The following DLG2 variants were observed in gnomAD, a reference collection of about 807,000 sequenced individuals.
The protein encoded by DLG2 is discs large MAGUK scaffold protein 2.
Under a neutral mutation model 132.5 loss-of-function variants are expected in DLG2, and 45 were observed. That is an observed-to-expected ratio of 0.34 (90% CI 0.27 to 0.44). DLG2 has a LOEUF of 0.44. DLG2 is among the 20% of genes least tolerant of loss of function. The pLI is 1.00. For synonymous variants in DLG2, 424 were observed against 419.6 expected, an observed-to-expected ratio of 1.01 and a Z score of -0.13; for missense variants, 1,045 against 1,196.9, an observed-to-expected ratio of 0.87 and a Z score of 1.87.
chr11:84,475,780 C>G (rs2099120032), intron 7 of DLG2, among the ~76,000 whole-genome samples: 1 of 152,094 alleles, frequency 6.6e-6, no homozygotes, highest in South Asian at 2.1e-4. Flanking sequence ...GTTGTGCAAG[C>G]TGTTGTGTGC....
chr11:84,317,193 G>T, intron 7 of DLG2: 1 of 1,557,334 alleles, frequency 6.4e-7, no homozygotes, highest in Non-Finnish European at 8.7e-7. Context: ...GCACAGAAAT[G>T]TCTCCTCCCT....
intron 16 of DLG2, among the ~76,000 whole-genome samples, chr11:83,842,623 T>C (rs1331385468): frequency 6.7e-6 from 1 of 148,284 alleles, no homozygotes; most frequent in Non-Finnish European, 1.5e-5. Flanking sequence ...GGTCAGGATA[T>C]CGAGACCACG....
intron 11 of DLG2, among the ~76,000 whole-genome samples, chr11:84,038,043 T>C (rs956089535): frequency 2.6e-5 from 4 of 151,964 alleles, no homozygotes; most frequent in African/African-American, 9.7e-5. Flanking sequence ...GTCATGGCGG[T>C]TTGTGGTAGA....
At chr11:85,161,382 C>T (rs1405226644) in intron 4 of DLG2, among the ~76,000 whole-genome samples, 1 of 152,134 alleles carries the variant, frequency 6.6e-6, no homozygotes, top group Non-Finnish European at 1.5e-5. Flanking sequence ...TGCTGAGTGT[C>T]CAATTTGCCA....
chr11:85,127,266 ATC>A (rs1287981779), intron 5 of DLG2, among the ~76,000 whole-genome samples: 1 of 120,026 alleles, frequency 8.3e-6, no homozygotes, highest in South Asian at 3.2e-4. Context: ...CTCTCTTTCT[ATC>A]TCTCTCTCTC....
chr11:84,882,460 TAGGAAAATA>T (rs1399640032), intron 6 of DLG2, among the ~76,000 whole-genome samples: 1 of 151,948 alleles, frequency 6.6e-6, no homozygotes, highest in Non-Finnish European at 1.5e-5. Flanking sequence ...ACACTTACAC[TAGGAAAATA>T]AGGTTAAGAG....
chr11:84,598,483 G>C (rs978195022), intron 6 of DLG2, among the ~76,000 whole-genome samples: 13 of 152,156 alleles, frequency 8.5e-5, no homozygotes, highest in Admixed American at 3.3e-4. Context: ...ATCCAACTCA[G>C]CTATTTTACA....
At chr11:83,725,451 G>A (rs999180312) in intron 18 of DLG2, 4 of 152,370 alleles carry the variant, frequency 2.6e-5, no homozygotes, top group African/African-American at 9.6e-5. Context: ...GGCAGGAAAT[G>A]CCTGCTTAAA....
intron 3 of DLG2, among the ~76,000 whole-genome samples, chr11:85,375,675 A>G (rs1297935500): frequency 2.0e-5 from 3 of 152,354 alleles, no homozygotes; most frequent in Admixed American, 6.5e-5. Context: ...TGCTTATGCT[A>G]CTAGTCTAAA....
intron 6 of DLG2, among the ~76,000 whole-genome samples, chr11:84,594,725 A>C (rs1337300328): frequency 6.6e-6 from 1 of 152,222 alleles, no homozygotes; most frequent in African/African-American, 2.4e-5. Context: ...TCTTACAGAA[A>C]AATCACTTTG....
At chr11:84,112,503 T>C (rs2093416800) in intron 9 of DLG2, among the ~76,000 whole-genome samples, 1 of 151,854 alleles carries the variant, frequency 6.6e-6, no homozygotes, top group Non-Finnish European at 1.5e-5. Context: ...TTTACTCTGT[T>C]TTTACTCTTT....
At chr11:84,090,414 CAAAA>C (rs397848695) in intron 10 of DLG2, among the ~76,000 whole-genome samples, 1 of 78,602 alleles carries the variant, frequency 1.3e-5, no homozygotes, top group Non-Finnish European at 2.4e-5. Context: ...GATTTCATCT[CAAAA>C]AAAAAAAAAA....
chr11:84,333,408 C>A (rs1013247245), intron 7 of DLG2, among the ~76,000 whole-genome samples: 5 of 152,182 alleles, frequency 3.3e-5, no homozygotes, highest in Non-Finnish European at 4.4e-5. Context: ...ACTGATTTGG[C>A]ATTCAATCCA....
rs1408995223 is a variant in DLG2, at chr11:85,346,790, A to T, written c.41-61425T>A. Among the ~76,000 whole-genome samples the T allele has an allele frequency of 1.3e-5, 2 of 151,722 alleles. 1 individual carries two copies. Among genetic ancestry groups the T allele is most frequent in the Middle Eastern group, 6.3e-3 (2 of 316 alleles). ...AATAAGATGTTAAAAACAGTAAAGG[A>T]CATCACAAAGAAAGGGCAAATAATG... On this transcript the variant is annotated intron_variant, in intron 3 of 27. Coordinates refer to ENST00000376104, the MANE Select transcript of DLG2 (RefSeq NM_001142699.3).
chr11:85,188,750 G>T (rs2080310514), intron 4 of DLG2, among the ~76,000 whole-genome samples: 1 of 152,096 alleles, frequency 6.6e-6, no homozygotes, highest in Admixed American at 6.5e-5. Flanking sequence ...CTCAACAACA[G>T]TTCTGAAATG....
intron 7 of DLG2, among the ~76,000 whole-genome samples, chr11:84,349,536 TGTGAATGA>T (rs1393670265): frequency 1.3e-5 from 2 of 152,200 alleles, no homozygotes; most frequent in East Asian, 3.9e-4. Flanking sequence ...ATATCTACAT[TGTGAATGA>T]CACACCCTTG....
At position 83,906,257 on chromosome 11, in the gene DLG2, TCACACACACACACACACACACA is replaced by T. The variant is rs540642615; in HGVS notation, c.1496+24049_1496+24070del. Among the ~76,000 whole-genome samples the T allele has an allele frequency of 4.8e-3, 321 of 66,616 alleles. 2 individuals carry two copies. The highest frequency in any genetic ancestry group is 0.017 in the Middle Eastern group (1 of 60). 43.7% of individuals were successfully genotyped at this position (66,616 alleles called of 152,430 possible). ...GTCTCTCTCTCTCTCTCTCTCTCTC[TCACACACACACACACACACACA>T]CACACACACACACACACACACACAC... On this transcript the variant is annotated intron_variant, in intron 15 of 27. Transcript: ENST00000376104.
At chr11:85,113,138 T>TGCA (rs1008411259) in intron 5 of DLG2, among the ~76,000 whole-genome samples, 1 of 152,008 alleles carries the variant, frequency 6.6e-6, no homozygotes, top group East Asian at 1.9e-4. Context: ...AAATATGATA[T>TGCA]GCAGCAGCAG....
intron 10 of DLG2, among the ~76,000 whole-genome samples, chr11:84,093,600 A>AGT (rs1231763802): frequency 6.6e-6 from 1 of 151,866 alleles, no homozygotes; most frequent in Non-Finnish European, 1.5e-5. Context: ...AATCTTGGGG[A>AGT]GTGGCATTTT....
Sources: allele counts gnomAD v4.1 joint callset (sites outside exome capture counted in the v4.1 genomes callset), GRCh38; gene constraint gnomAD v4.1.1; transcripts MANE v1.5; gene names NCBI Gene and HGNC (gene_info 2026-07-23, HGNC 2026-07-21).